Variants in NOL4 observed in about 807,000 individuals in gnomAD.
NOL4 encodes the protein cancer/testis antigen 125.
A neutral mutation model predicts 75.9 loss-of-function variants in NOL4; 17 were observed. The ratio of observed to expected loss-of-function variants is 0.22; its 90% CI spans 0.15 to 0.34. The LOEUF (loss-of-function observed/expected upper bound fraction) is 0.34. NOL4 is among the 10% of genes least tolerant of loss of function. NOL4 has a pLI of 1.00. For synonymous variants in NOL4, 292 were observed against 289.9 expected, an observed-to-expected ratio of 1.01 and a Z score of -0.07; for missense variants, 614 against 793.5, an observed-to-expected ratio of 0.77 and a Z score of 2.72.
chr18:33,881,957 G>C (rs958804248), intron 10 of NOL4, among the ~76,000 whole-genome samples: 1 of 152,128 alleles, frequency 6.6e-6, no homozygotes, highest in Non-Finnish European at 1.5e-5. Context: ...AATGGGGAAA[G>C]GATTCCCTAT....
At chr18:34,217,461 T>C (rs778843620) in intron 1 of NOL4, among the ~76,000 whole-genome samples, 7 of 151,830 alleles carry the variant, frequency 4.6e-5, no homozygotes, top group Non-Finnish European at 7.4e-5. Flanking sequence ...ATTTTTTTTG[T>C]ATTTTAGTAG....
intron 10 of NOL4, among the ~76,000 whole-genome samples, chr18:33,871,908 T>C (rs1208789144): frequency 6.6e-6 from 1 of 152,034 alleles, no homozygotes; most frequent in Non-Finnish European, 1.5e-5. Flanking sequence ...CAGTGAAAGA[T>C]TTGAGGGCTC....
At chr18:33,856,832 T>C (rs542436515) in intron 10 of NOL4, among the ~76,000 whole-genome samples, 4 of 152,150 alleles carry the variant, frequency 2.6e-5, no homozygotes, top group South Asian at 2.1e-4. Context: ...ATTCAAACTA[T>C]AACAATTGAG....
chr18:34,220,029 T>C (rs536949825), intron 1 of NOL4, among the ~76,000 whole-genome samples: 2 of 152,352 alleles, frequency 1.3e-5, no homozygotes, highest in South Asian at 2.1e-4. Flanking sequence ...TTTAAGTCAG[T>C]TGTAACTTGC....
At chr18:34,108,591 A>G (rs1220913424) in intron 2 of NOL4, among the ~76,000 whole-genome samples, 1 of 152,172 alleles carries the variant, frequency 6.6e-6, no homozygotes, top group African/African-American at 2.4e-5. Context: ...AAATTGTCAC[A>G]AGAGGCAATG....
At chr18:33,898,452 C>T (rs555486865) in intron 9 of NOL4, among the ~76,000 whole-genome samples, 2 of 152,220 alleles carry the variant, frequency 1.3e-5, no homozygotes, top group South Asian at 4.2e-4. Context: ...CCTCTTCCTT[C>T]CACATAGCCC....
At chr18:34,214,700 G>A (rs144744616) in intron 1 of NOL4, among the ~76,000 whole-genome samples, 1 of 152,100 alleles carries the variant, frequency 6.6e-6, no homozygotes, top group Non-Finnish European at 1.5e-5. Context: ...GTTTTGAGGA[G>A]ATATCTGCCC....
At chr18:34,063,008 T>G (rs2077129346) in intron 5 of NOL4, among the ~76,000 whole-genome samples, 14 of 152,154 alleles carry the variant, frequency 9.2e-5, no homozygotes, top group Admixed American at 9.2e-4. Flanking sequence ...TGCTATATTG[T>G]CTTTTCTATT....
rs2080562901 is a variant in NOL4, at chr18:34,129,981, C to T, written c.304G>A (p.Val102Ile). ...TCAAAGAAATCTTCAACCACAGCTA[C>T]CCGTCGTAAAGATAGCTTCTCATCT... ...GVDEKLSLRR[V>I]AVVEDFFDII... is the part of the protein sequence containing the mutation. The change falls in exon 2 of 11, where the codon GTA (valine) becomes ATA (isoleucine). Residue 102 changes from valine (V) to isoleucine (I), a missense_variant. Physicochemically the swap from Val to Ile is conservative, Grantham distance 29 (BLOSUM62 3). This residue lies in a region of NOL4 where 135 missense variants were observed against 220.4 expected (regional missense o/e 0.61). Transcript: ENST00000261592. 6.3e-7 allele frequency: 1 copy of T among 1,595,260 alleles called. No individual in the cohort carries two copies. Among genetic ancestry groups the T allele is most frequent in the Admixed American group, 1.7e-5 (1 of 57,656 alleles).
intron 8 of NOL4, among the ~76,000 whole-genome samples, chr18:33,954,469 G>A (rs1033564669): frequency 6.6e-6 from 1 of 152,002 alleles, no homozygotes; most frequent in Admixed American, 6.6e-5. Context: ...CGAGAAACCT[G>A]AGAAAGAAAG....
At chr18:34,123,240 T>C (rs2080229162) in intron 2 of NOL4, among the ~76,000 whole-genome samples, 1 of 151,826 alleles carries the variant, frequency 6.6e-6, no homozygotes, top group African/African-American at 2.4e-5. Flanking sequence ...AATTCAATTT[T>C]AATGAATGGC....
chr18:33,857,908 T>C (rs2062911024), intron 10 of NOL4, among the ~76,000 whole-genome samples: 1 of 152,138 alleles, frequency 6.6e-6, no homozygotes, highest in Non-Finnish European at 1.5e-5. Flanking sequence ...TTGTATTGAA[T>C]TAGTTTTTTT....
chr18:34,024,180 G>GAA, intron 5 of NOL4, among the ~76,000 whole-genome samples: 2 of 38,992 alleles, frequency 5.1e-5, no homozygotes, highest in African/African-American at 2.5e-4. Flanking sequence ...AAAATAAACA[G>GAA]GAAAAAAAAA....
At chr18:34,081,860 AG>A (rs2078025380) in intron 5 of NOL4, among the ~76,000 whole-genome samples, 1 of 152,206 alleles carries the variant, frequency 6.6e-6, no homozygotes, top group South Asian at 2.1e-4. Flanking sequence ...TTTTAAACAC[AG>A]GGCAATTATT....
intron 1 of NOL4, among the ~76,000 whole-genome samples, chr18:34,130,881 G>A (rs1260587908): frequency 5.3e-5 from 8 of 152,134 alleles, no homozygotes; most frequent in African/African-American, 1.9e-4. Context: ...TTTAACACAG[G>A]TTGGAGTTGG....
At chr18:34,159,410 G>A (rs1282736148) in intron 1 of NOL4, among the ~76,000 whole-genome samples, 1 of 152,158 alleles carries the variant, frequency 6.6e-6, no homozygotes, top group Non-Finnish European at 1.5e-5. Context: ...CTTCACCCGA[G>A]CATGAGCTTG....
chr18:34,060,251 T>A (rs943490773), intron 5 of NOL4, among the ~76,000 whole-genome samples: 1 of 152,200 alleles, frequency 6.6e-6, no homozygotes, highest in Non-Finnish European at 1.5e-5. Flanking sequence ...TACCAAGTGG[T>A]CATTAATGAA....
chr18:34,061,679 T>C (rs1409811443), intron 5 of NOL4, among the ~76,000 whole-genome samples: 4 of 152,092 alleles, frequency 2.6e-5, no homozygotes, highest in Admixed American at 1.3e-4. Context: ...TCCTAAATGG[T>C]GGAGTAATAA....
intron 2 of NOL4, among the ~76,000 whole-genome samples, chr18:34,128,251 TG>T (rs1306531170): frequency 3.3e-5 from 5 of 151,936 alleles, no homozygotes; most frequent in Non-Finnish European, 5.9e-5. Context: ...TAAACAGATT[TG>T]GCTGCCACAC....
Sources: gnomAD v4.1 joint callset for allele counts (sites outside exome capture counted in the v4.1 genomes callset) on GRCh38, gnomAD v4.1.1 for gene constraint, gnomAD v4.1.1 regional missense constraint, MANE v1.5 for transcripts, NCBI Gene and HGNC (gene_info 2026-07-23, HGNC 2026-07-21) for gene names.